The following CALCRL variants were observed in gnomAD, a reference collection of about 807,000 sequenced individuals.
CALCRL encodes calcitonin gene-related peptide type 1 receptor.
In CALCRL, 27 loss-of-function variants were observed where a neutral mutation model predicts 60.4. The ratio of observed to expected loss-of-function variants is 0.45; its 90% CI spans 0.33 to 0.62. CALCRL has a LOEUF of 0.62. Among genes scored for constraint, CALCRL ranks in the 20% least tolerant of loss-of-function variants. The probability of loss-of-function intolerance (pLI) is 0.03; values close to 1 mark genes in which losing one functional copy is unlikely to be tolerated. For synonymous variants in CALCRL, 190 were observed against 182.6 expected, an observed-to-expected ratio of 1.04 and a Z score of -0.33; for missense variants, 424 against 540.7, an observed-to-expected ratio of 0.78 and a Z score of 2.14.
chr2:187,356,856 A>G (rs1280171314), intron 12 of CALCRL, among the ~76,000 whole-genome samples: 1 of 152,354 alleles, frequency 6.6e-6, no homozygotes, highest in East Asian at 1.9e-4. Context: ...ATGAACAGGC[A>G]CTTCTCAAAA....
chr2:187,368,845 C>G (rs996728419), intron 8 of CALCRL, among the ~76,000 whole-genome samples: 4 of 152,112 alleles, frequency 2.6e-5, no homozygotes, highest in Admixed American at 2.0e-4. Context: ...TCAATCTGAA[C>G]ACTGCCACAA....
chr2:187,435,558 A>G (rs1051828051), intron 1 of CALCRL, among the ~76,000 whole-genome samples: 6 of 152,206 alleles, frequency 3.9e-5, no homozygotes, highest in African/African-American at 1.4e-4. Context: ...TATTCTACAT[A>G]CAAGAAATGT....
At chr2:187,403,354 T>G (rs1688975647) in intron 1 of CALCRL, among the ~76,000 whole-genome samples, 1 of 151,724 alleles carries the variant, frequency 6.6e-6, no homozygotes, top group African/African-American at 2.4e-5. Flanking sequence ...AATACCTGAG[T>G]GCAGTTCTCA....
intron 1 of CALCRL, among the ~76,000 whole-genome samples, chr2:187,413,092 A>G (rs556591972): frequency 6.6e-6 from 1 of 152,164 alleles, no homozygotes; most frequent in South Asian, 2.1e-4. Flanking sequence ...CAGGGAAGGA[A>G]TTATCAAAGA....
intron 1 of CALCRL, among the ~76,000 whole-genome samples, chr2:187,395,621 A>C (rs1688620849): frequency 6.6e-6 from 1 of 152,030 alleles, no homozygotes. Context: ...TGGTAGGGTG[A>C]AGGTGGTGAG....
chr2:187,415,640 AG>A, intron 1 of CALCRL: 1 of 618,728 alleles, frequency 1.6e-6, no homozygotes, highest in Non-Finnish European at 3.0e-6. Context: ...CAGGCATCGG[AG>A]GGCCCCCTCA....
chr2:187,396,137 T>G (rs1422830261), intron 1 of CALCRL, among the ~76,000 whole-genome samples: 1 of 150,866 alleles, frequency 6.6e-6, no homozygotes, highest in African/African-American at 2.4e-5. Context: ...GGCTAATTTT[T>G]CTCTCATTAC....
chr2:187,350,379 A>G (rs548523061), intron 14 of CALCRL, among the ~76,000 whole-genome samples: 2 of 151,510 alleles, frequency 1.3e-5, no homozygotes, highest in Non-Finnish European at 3.0e-5. Flanking sequence ...AATAAAATCT[A>G]TTTGAATTTT....
chr2:187,388,405 G>A (rs1044310379), intron 1 of CALCRL, among the ~76,000 whole-genome samples: 3 of 151,594 alleles, frequency 2.0e-5, no homozygotes, highest in Admixed American at 6.6e-5. Context: ...TAATTTACTA[G>A]GATTTCTGTT....
intron 8 of CALCRL, among the ~76,000 whole-genome samples, chr2:187,378,627 A>C (rs1056325917): frequency 6.6e-6 from 1 of 152,284 alleles, no homozygotes; most frequent in South Asian, 2.1e-4. Flanking sequence ...CTAAACACAC[A>C]ATTAAGAAGG....
rs192992568 is a variant in CALCRL at position 187,360,913 on chromosome 2, A to G, written c.628-162T>C. Among the ~76,000 whole-genome samples the G allele has an allele frequency of 3.7e-3, 568 of 152,172 alleles. 1 individual carries two copies. The highest frequency in any genetic ancestry group is 0.013 in the African/African-American group (541 of 41,552). ...GAATGCCAGTCTTCGTATTCATGTA[A>G]TGATGCCTTTAGTTTTTAGCCACAG... On this transcript the variant is annotated intron_variant, in intron 9 of 14. Coordinates refer to ENST00000392370, the MANE Select transcript of CALCRL (RefSeq NM_005795.6).
intron 8 of CALCRL, among the ~76,000 whole-genome samples, chr2:187,372,185 G>A (rs1170442775): frequency 2.0e-5 from 3 of 151,248 alleles, no homozygotes; most frequent in African/African-American, 7.3e-5. Flanking sequence ...CCCTATAAAA[G>A]TTGGGTAGAT....
chr2:187,426,617 T>C (rs1205771633), intron 1 of CALCRL, among the ~76,000 whole-genome samples: 1 of 152,088 alleles, frequency 6.6e-6, no homozygotes, highest in Non-Finnish European at 1.5e-5. Flanking sequence ...CGATATATAA[T>C]AAATGATTCA....
In CALCRL at chr2:187,344,764, A is replaced by C. The variant is rs1686211713; in HGVS notation, c.*1420T>G. On this transcript the variant is annotated 3_prime_UTR_variant, in exon 15 of 15. Transcript: ENST00000392370. ...TTCTAGTTTTTTATATTTCTTGAAT[A>C]GCCTGGGACATTTCCAAAGCTATAT... 6.6e-6 allele frequency: 1 copy of C among 151,732 alleles called. No individual in the cohort carries two copies. The highest frequency in any genetic ancestry group is 2.4e-5 in the African/African-American group (1 of 41,406). The allele number at this position is 151,732 out of a possible 1,614,324, so 9.4% of individuals were successfully genotyped here. A position where few individuals can be genotyped will look rare whatever the true frequency, so the allele number is the denominator to read the frequency against.
chr2:187,426,336 A>C (rs919538252), intron 1 of CALCRL, among the ~76,000 whole-genome samples: 1 of 151,764 alleles, frequency 6.6e-6, no homozygotes, highest in African/African-American at 2.4e-5. Flanking sequence ...AATGTTTTGC[A>C]ACAAAATTTG....
intron 1 of CALCRL, among the ~76,000 whole-genome samples, chr2:187,440,537 A>G (rs1314770772): frequency 6.6e-6 from 1 of 152,144 alleles, no homozygotes; most frequent in Non-Finnish European, 1.5e-5. Flanking sequence ...AGGAAGCCAC[A>G]AGTTATATTT....
chr2:187,363,574 A>G, intron 8 of CALCRL, 72 bp from the exon 9 acceptor site: 1 of 1,396,584 alleles, frequency 7.2e-7, no homozygotes, highest in Admixed American at 2.4e-5. Flanking sequence ...CAAATAAGAT[A>G]CATTCCCAAT....
chr2:187,375,063 G>A (rs1177660738), intron 8 of CALCRL, among the ~76,000 whole-genome samples: 2 of 151,632 alleles, frequency 1.3e-5, no homozygotes, highest in African/African-American at 4.8e-5. Context: ...ATGAGGTCAG[G>A]AGATCGAGAC....
chr2:187,405,055 C>T (rs1689058846), intron 1 of CALCRL, among the ~76,000 whole-genome samples: 1 of 151,898 alleles, frequency 6.6e-6, no homozygotes, highest in Admixed American at 6.6e-5. Context: ...GTAAGCTTTA[C>T]CTTCTGTAGC....
Sources: gnomAD v4.1 joint callset for allele counts (sites outside exome capture counted in the v4.1 genomes callset) on GRCh38, gnomAD v4.1.1 for gene constraint, MANE v1.5 for transcripts, NCBI Gene and HGNC (gene_info 2026-07-23, HGNC 2026-07-21) for gene names.